TMEM156: variants seen among roughly 807,000 people sequenced by gnomAD.
TMEM156 encodes the protein transmembrane protein 156.
A neutral mutation model predicts 30.5 loss-of-function variants in TMEM156; 28 were observed. The observed-to-expected ratio is 0.92, with a 90% confidence interval of 0.68 to 1.26. The LOEUF is 1.26. Among genes scored for constraint, TMEM156 ranks in the 50% most tolerant of loss-of-function variants. The probability of loss-of-function intolerance (pLI) is 0.00; values close to 1 mark genes in which losing one functional copy is unlikely to be tolerated. For missense variants in TMEM156, 351 were observed against 340.6 expected (o/e 1.03, Z -0.24); for synonymous variants, 137 against 119.9 (o/e 1.14, Z -0.93).
chr4:39,015,171 G>T (rs145033673), intron 1 of TMEM156, among the ~76,000 whole-genome samples: 150 of 152,080 alleles, frequency 9.9e-4, no homozygotes, highest in African/African-American at 3.3e-3. Context: ...TTAGTTACTT[G>T]TACCTTCTCT....
chr4:38,971,446 A>T (rs768807349), intron 5 of TMEM156, among the ~76,000 whole-genome samples: 3 of 152,216 alleles, frequency 2.0e-5, no homozygotes, highest in African/African-American at 4.8e-5. Context: ...GACTGCAAAC[A>T]TTTTATTCTA....
At chr4:38,992,747 AT>A (rs374830517) in intron 3 of TMEM156, among the ~76,000 whole-genome samples, 2 of 50,604 alleles carry the variant, frequency 4.0e-5, no homozygotes, top group African/African-American at 1.3e-4. Context: ...TATATAATAT[AT>A]TATATATATA....
chr4:38,989,057 A>G, intron 3 of TMEM156, 87 bp from the exon 4 acceptor site: 3 of 1,356,874 alleles, frequency 2.2e-6, no homozygotes, highest in Non-Finnish European at 3.1e-6. Context: ...GTTCTACAAC[A>G]TATTCTGCCC....
At chr4:39,013,795 G>T (rs1714294049) in intron 1 of TMEM156, among the ~76,000 whole-genome samples, 1 of 152,172 alleles carries the variant, frequency 6.6e-6, no homozygotes, top group Non-Finnish European at 1.5e-5. Flanking sequence ...TATCTGTAAT[G>T]TAGATATACC....
intron 6 of TMEM156, among the ~76,000 whole-genome samples, 199 bp from the exon 7 acceptor site, chr4:38,967,840 G>A (rs1444828190): frequency 6.6e-6 from 1 of 152,232 alleles, no homozygotes; most frequent in Non-Finnish European, 1.5e-5. Flanking sequence ...CCAAAGTACT[G>A]GGATTACAGG....
At chr4:38,982,182 C>A (rs1042764322) in intron 5 of TMEM156, among the ~76,000 whole-genome samples, 5 of 152,166 alleles carry the variant, frequency 3.3e-5, no homozygotes, top group Admixed American at 3.3e-4. Context: ...CTCCATCTTT[C>A]TCCATGCTGG....
Position 38,975,382 on chromosome 4 carries a change from TTC to T in TMEM156, c.824-4247_824-4246del, listed in dbSNP as rs1345297988. Reference sequence around the variant, plus strand: ...GATTTTTTTTCTTTTCTTTTTTCTTTTCTTTTTTTTTTTTTTTTGAGACAGAG... The same window carrying T: ...GATTTTTTTTCTTTTCTTTTTTCTTTTTTTTTTTTTTTTTTTGAGACAGAG... On this transcript the variant is annotated intron_variant, in intron 5 of 6. Transcript: ENST00000381938. Among the ~76,000 whole-genome samples, 93 of 107,058 alleles carry T rather than the reference TTC, an allele frequency of 8.7e-4. 3 individuals are homozygous for T. Among genetic ancestry groups the T allele is most frequent in the African/African-American group, 1.8e-3 (43 of 24,268 alleles). 70.2% of individuals were successfully genotyped at this position (107,058 alleles called of 152,430 possible). A position where few individuals can be genotyped will look rare whatever the true frequency, so the allele number is the denominator to read the frequency against.
chr4:38,982,552 G>A lies in TMEM156; in HGVS notation c.823+3784C>T, dbSNP rs541458016. ...TCTCAGACTCATTTCTTGCTCATCC[G>A]CTCTTTTTACTCTATACTCATTTCC... On this transcript the variant is annotated intron_variant, in intron 5 of 6. Transcript: ENST00000381938. Among the ~76,000 whole-genome samples the A allele has an allele frequency of 7.9e-5, 12 of 152,004 alleles. No individual in the cohort carries two copies. In the South Asian group the frequency reaches 2.3e-3, roughly 29 times the overall value.
intron 4 of TMEM156, among the ~76,000 whole-genome samples, chr4:38,988,524 G>A (rs939692908): frequency 6.6e-6 from 1 of 152,262 alleles, no homozygotes; most frequent in Non-Finnish European, 1.5e-5. Flanking sequence ...GAGTCACCGC[G>A]CTCGGCCTGA....
At chr4:38,969,793 A>T (rs530472412) in intron 6 of TMEM156, among the ~76,000 whole-genome samples, 1 of 152,184 alleles carries the variant, frequency 6.6e-6, no homozygotes, top group African/African-American at 2.4e-5. Flanking sequence ...GGGTTTCACC[A>T]TGTTGCTCAG....
Position 39,031,351 on chromosome 4 carries a change from G to A in TMEM156, c.88+875C>T, listed in dbSNP as rs144622242. Among the ~76,000 whole-genome samples the A allele has an allele frequency of 1.1e-3, 162 of 152,128 alleles. 1 individual carries two copies. Among genetic ancestry groups the A allele is most frequent in the African/African-American group, 3.5e-3 (147 of 41,496 alleles). On this transcript the variant is annotated intron_variant, in intron 1 of 6. Transcript: ENST00000381938. ...CAATTATATCACAATTTTCTGAAACGTTCACAAAGTTAATTTTGTTCCATT... is the reference window on the plus strand; with the variant it reads ...CAATTATATCACAATTTTCTGAAACATTCACAAAGTTAATTTTGTTCCATT...
intron 4 of TMEM156, 119 bp from the exon 5 acceptor site, chr4:38,986,538 G>A (rs1299499784): frequency 5.5e-6 from 4 of 731,278 alleles, no homozygotes; most frequent in African/African-American, 5.2e-5. Flanking sequence ...GCCAGGCACG[G>A]TGGTTCACGC....
rs146524602 is a variant in TMEM156, at chr4:38,998,856, A to T, written c.142T>A (p.Tyr48Asn). 787 of 1,613,880 alleles carry T rather than the reference A, an allele frequency of 4.9e-4. 8 individuals are homozygous for T. The highest frequency in any genetic ancestry group is 3.0e-3 in the South Asian group (270 of 91,074). ...LEVCLQSNFT[Y>N]SLSSLNFSFV... Reference sequence around the variant, plus strand: ...GAAAAATTTAAGGAGGAGAGTGAATAGGTAAAATTAGATTGCAAACACACT... The same window carrying T: ...GAAAAATTTAAGGAGGAGAGTGAATTGGTAAAATTAGATTGCAAACACACT... Residue 48 changes from tyrosine (Y) to asparagine (N), a missense_variant, in exon 2 of 7, where the codon TAT becomes AAT. Physicochemically the swap from Tyr to Asn is moderately radical, Grantham distance 143 (BLOSUM62 -2). Transcript: ENST00000381938.
At chr4:39,031,484 G>A (rs1292988709) in intron 1 of TMEM156, among the ~76,000 whole-genome samples, 3 of 152,022 alleles carry the variant, frequency 2.0e-5, no homozygotes, top group African/African-American at 4.8e-5. Context: ...AAAAGGTGAC[G>A]GTAAGTTATC....
chr4:38,982,647 A>C lies in TMEM156; in HGVS notation c.823+3689T>G, dbSNP rs539983882. On this transcript the variant is annotated intron_variant, in intron 5 of 6. Transcript: ENST00000381938. ...TTATGCTAGCAACAACAATCCACAG[A>C]TAAAAAAGACAGAGATCACCTGTGT... 3.3e-5 allele frequency among the ~76,000 whole-genome samples: 5 copies of C among 152,360 alleles called. 1 individual carries two copies. The East Asian group carries it at 9.6e-4, about 29-fold the overall frequency.
At chr4:39,007,228 A>G (rs1713801218) in intron 1 of TMEM156, among the ~76,000 whole-genome samples, 1 of 152,150 alleles carries the variant, frequency 6.6e-6, no homozygotes, top group African/African-American at 2.4e-5. Flanking sequence ...CTGAGAGGAA[A>G]AAGTCCCGTC....
intron 1 of TMEM156, among the ~76,000 whole-genome samples, chr4:39,000,756 G>A (rs1301756054): frequency 6.6e-6 from 1 of 151,906 alleles, no homozygotes; most frequent in African/African-American, 2.4e-5. Flanking sequence ...GCATGGTGGT[G>A]GGCACCTGTA....
chr4:39,031,889 AAT>A (rs536495768), intron 1 of TMEM156, among the ~76,000 whole-genome samples: 1 of 21,046 alleles, frequency 4.8e-5, no homozygotes, highest in Non-Finnish European at 9.3e-5. Flanking sequence ...AAAAAAAAAA[AAT>A]AAAAAATAAA....
At chr4:39,003,409 A>C (rs1290884187) in intron 1 of TMEM156, among the ~76,000 whole-genome samples, 1 of 152,000 alleles carries the variant, frequency 6.6e-6, no homozygotes, top group Non-Finnish European at 1.5e-5. Flanking sequence ...ATCTCGGCTC[A>C]CTGCAACCTC....
Sources: gnomAD v4.1 joint callset for allele counts (sites outside exome capture counted in the v4.1 genomes callset) on GRCh38, gnomAD v4.1.1 for gene constraint, MANE v1.5 for transcripts, NCBI Gene and HGNC (gene_info 2026-07-23, HGNC 2026-07-21) for gene names.